MTMR8: variants seen among roughly 807,000 people sequenced by gnomAD.
The protein encoded by MTMR8 is phosphatidylinositol-3,5-bisphosphate 3-phosphatase MTMR8.
MTMR8 carries 65 observed loss-of-function variants against 39.3 expected under a neutral mutation model. The observed-to-expected ratio is 1.65, with a 90% CI of 1.35 to 2.03. MTMR8 has a LOEUF of 2.03. Among genes scored for constraint, MTMR8 ranks in the 30% most tolerant of loss-of-function variants. MTMR8 has a pLI of 0.00. For synonymous variants in MTMR8, 245 were observed against 185.2 expected (o/e 1.32, Z -2.62); for missense variants, 777 against 538.9 (o/e 1.44, Z -4.37).
At position 64,356,320 on chromosome X, in the gene MTMR8, C is replaced by T; in HGVS notation, c.166G>A (p.Ala56Thr). The change falls in exon 3 of 14, where the codon GCC becomes ACC. Residue 56 changes from alanine to threonine, a missense_variant. Physicochemically the swap from Ala to Thr is moderately conservative, Grantham distance 58 (BLOSUM62 0). Coordinates refer to ENST00000374852, the MANE Select transcript of MTMR8 (RefSeq NM_017677.4). The part of the protein sequence containing the change: ...KETWIALHHI[A>T]TVEKLPITSL... ...GTGATGGGTAACTTCTCCACAGTGGCAATGTGATGGAGTGCAATCTGAAAA... is the reference window on the plus strand; with the variant it reads ...GTGATGGGTAACTTCTCCACAGTGGTAATGTGATGGAGTGCAATCTGAAAA... 5.0e-6 allele frequency: 6 copies of T among 1,205,497 alleles called. No homozygotes were observed. Among genetic ancestry groups the T allele is most frequent in the Non-Finnish European group, 6.7e-6 (6 of 893,465 alleles).
At chrX:64,373,208 C>A (rs946766979) in intron 1 of MTMR8, among the ~76,000 whole-genome samples, 1 of 111,927 alleles carries the variant, frequency 8.9e-6, no homozygotes, top group East Asian at 2.8e-4. Context: ...CAGTGAGAAG[C>A]AAGAACCCAA....
intron 12 of MTMR8, among the ~76,000 whole-genome samples, chrX:64,313,498 T>C (rs1488129942): frequency 8.9e-6 from 1 of 112,787 alleles, no homozygotes; most frequent in Non-Finnish European, 1.9e-5. Flanking sequence ...GCACTTTTAA[T>C]TTCCTTCAAG....
intron 6 of MTMR8, among the ~76,000 whole-genome samples, chrX:64,347,898 C>T (rs1255642987): frequency 8.9e-6 from 1 of 111,952 alleles, no homozygotes; most frequent in African/African-American, 3.2e-5. Flanking sequence ...CATGAGGACA[C>T]TCTGTTCAGC....
chrX:64,386,855 G>A (rs1924572787), intron 1 of MTMR8, among the ~76,000 whole-genome samples: 1 of 108,904 alleles, frequency 9.2e-6, no homozygotes, highest in South Asian at 4.1e-4. Flanking sequence ...ACCAGCCTGG[G>A]CAACATAGTG....
At position 64,395,375 on chromosome X, in the gene MTMR8, C is replaced by A. The variant is rs1220340790; in HGVS notation, c.-12G>T. On this transcript the variant is annotated 5_prime_UTR_variant, in exon 1 of 14. Coordinates refer to ENST00000374852, the MANE Select transcript of MTMR8 (RefSeq NM_017677.4). ...GTAATATGATCCATGACTGCAGTTC[C>A]CGCCACCGGAAGATCTCAGTGCTAC... 2.5e-6 allele frequency: 3 copies of A among 1,208,992 alleles called. No individual in the cohort carries two copies. The South Asian group carries it at 5.3e-5, about 21-fold the overall frequency.
intron 12 of MTMR8, among the ~76,000 whole-genome samples, chrX:64,300,244 C>T (rs1383822371): frequency 1.8e-5 from 2 of 110,542 alleles, no homozygotes; most frequent in African/African-American, 3.3e-5. Context: ...TCAGGACTTG[C>T]TTCATGAATC....
chrX:64,296,051 C>T (rs998239202), intron 12 of MTMR8, among the ~76,000 whole-genome samples: 1 of 112,036 alleles, frequency 8.9e-6, no homozygotes. Flanking sequence ...AAGGTAGAAG[C>T]AACCCAGATG....
At chrX:64,311,341 G>A (rs868105834) in intron 12 of MTMR8, among the ~76,000 whole-genome samples, 1 of 110,991 alleles carries the variant, frequency 9.0e-6, no homozygotes, top group Non-Finnish European at 1.9e-5. Context: ...CTTTTTGATG[G>A]GGTTTTTTTT....
intron 12 of MTMR8, among the ~76,000 whole-genome samples, chrX:64,309,515 TAAAC>T (rs1922230139): frequency 8.9e-6 from 1 of 111,908 alleles, no homozygotes; most frequent in East Asian, 2.8e-4. Flanking sequence ...TTTTTCTACA[TAAAC>T]AATCATGTCA....
At chrX:64,353,223 A>G (rs950635202) in intron 4 of MTMR8, among the ~76,000 whole-genome samples, 9 of 112,156 alleles carry the variant, frequency 8.0e-5, no homozygotes, top group Admixed American at 6.6e-4. Flanking sequence ...ATATGCAGCC[A>G]ACTAAAGCAA....
At chrX:64,352,461 A>G (rs888627700) in intron 4 of MTMR8, among the ~76,000 whole-genome samples, 11 of 111,844 alleles carry the variant, frequency 9.8e-5, no homozygotes, top group African/African-American at 3.6e-4. Context: ...GGGACCTTCA[A>G]CACATTCCCA....
intron 8 of MTMR8, among the ~76,000 whole-genome samples, chrX:64,342,350 G>T (rs1923242458): frequency 1.8e-5 from 2 of 112,330 alleles, no homozygotes; most frequent in African/African-American, 3.2e-5. Flanking sequence ...AAGAGGTAGA[G>T]TTCAAGGCTG....
At chrX:64,393,959 G>A (rs1461973928) in intron 1 of MTMR8, among the ~76,000 whole-genome samples, 2 of 112,098 alleles carry the variant, frequency 1.8e-5, no homozygotes, top group Non-Finnish European at 3.8e-5. Flanking sequence ...TCATTTGGTA[G>A]GTGTATCAGT....
intron 12 of MTMR8, among the ~76,000 whole-genome samples, chrX:64,284,206 T>A (rs878926711): frequency 9.0e-6 from 1 of 111,681 alleles, no homozygotes; most frequent in Non-Finnish European, 1.9e-5. Flanking sequence ...ATTCGATCAA[T>A]TGGAAGAAAG....
chrX:64,317,964 C>T (rs753709246), intron 12 of MTMR8, among the ~76,000 whole-genome samples: 17 of 112,406 alleles, frequency 1.5e-4, no homozygotes, highest in Non-Finnish European at 1.9e-4. Context: ...ACCCTAGCTG[C>T]ATTGGATAAA....
intron 12 of MTMR8, among the ~76,000 whole-genome samples, chrX:64,322,172 T>A (rs866185806): frequency 9.1e-6 from 1 of 110,065 alleles, no homozygotes; most frequent in Non-Finnish European, 1.9e-5. Context: ...TTTTTTGATT[T>A]TTTTTTGTAG....
At chrX:64,319,173 G>A (rs974779086) in intron 12 of MTMR8, among the ~76,000 whole-genome samples, 7 of 112,335 alleles carry the variant, frequency 6.2e-5, no homozygotes, top group African/African-American at 1.9e-4. Context: ...AGGGAACTCC[G>A]TACCTCCATG....
chrX:64,291,258 C>G (rs969071196), intron 12 of MTMR8, among the ~76,000 whole-genome samples: 1 of 110,706 alleles, frequency 9.0e-6, no homozygotes, highest in African/African-American at 3.3e-5. Flanking sequence ...TTAGAGCCTG[C>G]CTGTCTTGCA....
intron 1 of MTMR8, among the ~76,000 whole-genome samples, chrX:64,386,584 T>C (rs1924564999): frequency 8.9e-6 from 1 of 111,778 alleles, no homozygotes; most frequent in African/African-American, 3.3e-5. Context: ...GGAAAATACT[T>C]ATGGGAAAAG....
Sources: gnomAD v4.1 joint callset for allele counts (sites outside exome capture counted in the v4.1 genomes callset) on GRCh38, gnomAD v4.1.1 for gene constraint, MANE v1.5 for transcripts, NCBI Gene and HGNC (gene_info 2026-07-23, HGNC 2026-07-21) for gene names.